LHFPL3: variants seen among roughly 807,000 people sequenced by gnomAD.
LHFPL3 encodes the protein LHFPL tetraspan subfamily member 3 protein.
Under a neutral mutation model 19.3 loss-of-function variants are expected in LHFPL3, and 5 were observed. That is an observed-to-expected ratio of 0.26 (90% CI 0.14 to 0.54). The LOEUF is 0.54. Ranked by LOEUF, LHFPL3 falls within the 20% of genes least tolerant of loss-of-function variation. The pLI is 0.94. For synonymous variants in LHFPL3, 133 were observed against 126.2 expected (o/e 1.05, Z -0.36); for missense variants, 249 against 307.4 (o/e 0.81, Z 1.42).
At chr7:104,378,817 A>G (rs1274536069) in intron 1 of LHFPL3, among the ~76,000 whole-genome samples, 7 of 152,132 alleles carry the variant, frequency 4.6e-5, no homozygotes, top group Non-Finnish European at 7.4e-5. Flanking sequence ...GTGTCTTTTC[A>G]ACTCTTTTGT....
chr7:104,767,538 C>G (rs1327409289), intron 2 of LHFPL3, among the ~76,000 whole-genome samples: 4 of 152,120 alleles, frequency 2.6e-5, no homozygotes, highest in Non-Finnish European at 5.9e-5. Flanking sequence ...ATTTAGGTAC[C>G]CTGTGTACAC....
At chr7:104,354,758 A>G (rs1014246626) in intron 1 of LHFPL3, among the ~76,000 whole-genome samples, 2 of 152,166 alleles carry the variant, frequency 1.3e-5, no homozygotes, top group African/African-American at 4.8e-5. Flanking sequence ...TTCATCTAAA[A>G]TATTATGCCA....
intron 1 of LHFPL3, among the ~76,000 whole-genome samples, chr7:104,346,881 T>C (rs199842151): frequency 6.7e-6 from 1 of 149,838 alleles, no homozygotes; most frequent in African/African-American, 2.5e-5. Flanking sequence ...TTGGAAATAA[T>C]TTTGCATTAC....
chr7:104,863,368 A>G (rs1791653048), intron 2 of LHFPL3, among the ~76,000 whole-genome samples: 1 of 152,354 alleles, frequency 6.6e-6, no homozygotes, highest in South Asian at 2.1e-4. Flanking sequence ...GCTGACAAGT[A>G]TAGTCACTAA....
At chr7:104,396,091 C>T (rs948929917) in intron 1 of LHFPL3, among the ~76,000 whole-genome samples, 2 of 152,090 alleles carry the variant, frequency 1.3e-5, no homozygotes, top group Non-Finnish European at 2.9e-5. Context: ...TATCCCTGGC[C>T]TTGGGTTCAC....
chr7:104,478,756 G>A (rs903338626), intron 1 of LHFPL3, among the ~76,000 whole-genome samples: 8 of 152,116 alleles, frequency 5.3e-5, no homozygotes, highest in African/African-American at 1.9e-4. Flanking sequence ...GGCACTTGTT[G>A]GTATGTTGCT....
rs568169398 is a variant in LHFPL3, at chr7:104,648,430, G to A, written c.446-88245G>A. On this transcript the variant is annotated intron_variant, in intron 1 of 2. Coordinates refer to ENST00000424859, the MANE Select transcript of LHFPL3 (RefSeq NM_199000.3). ...CAGACCCCTACAAAAAGAAAAAGCC[G>A]TCATTAAATCAATGAAATGTCTTTC... 2.1e-3 allele frequency among the ~76,000 whole-genome samples: 315 copies of A among 152,240 alleles called. 2 individuals carry two copies. Among genetic ancestry groups the A allele is most frequent in the African/African-American group, 6.8e-3 (282 of 41,538 alleles).
At chr7:104,425,671 G>A (rs1791831919) in intron 1 of LHFPL3, among the ~76,000 whole-genome samples, 2 of 152,242 alleles carry the variant, frequency 1.3e-5, no homozygotes, top group South Asian at 2.1e-4. Context: ...ACATCTTTTG[G>A]TGGTTAATTA....
intron 1 of LHFPL3, among the ~76,000 whole-genome samples, chr7:104,464,749 G>A (rs894569102): frequency 4.6e-5 from 7 of 152,194 alleles, no homozygotes; most frequent in Non-Finnish European, 1.0e-4. Flanking sequence ...GAGGCCCTGG[G>A]CCCAGCTCAT....
At chr7:104,511,438 T>C (rs1440610370) in intron 1 of LHFPL3, among the ~76,000 whole-genome samples, 1 of 152,186 alleles carries the variant, frequency 6.6e-6, no homozygotes, top group African/African-American at 2.4e-5. Context: ...ATGCAATTAC[T>C]ATAGGATCCA....
intron 1 of LHFPL3, among the ~76,000 whole-genome samples, chr7:104,555,452 G>A (rs1428014861): frequency 6.6e-6 from 1 of 152,160 alleles, no homozygotes; most frequent in African/African-American, 2.4e-5. Flanking sequence ...TACATGGATG[G>A]CGGCAGGCAA....
intron 2 of LHFPL3, among the ~76,000 whole-genome samples, chr7:104,772,447 C>T (rs559883308): frequency 2.6e-5 from 4 of 152,270 alleles, no homozygotes; most frequent in Non-Finnish European, 5.9e-5. Flanking sequence ...CTACGGTGTG[C>T]TCAGACAATG....
At chr7:104,350,874 T>C (rs1440958543) in intron 1 of LHFPL3, among the ~76,000 whole-genome samples, 2 of 151,908 alleles carry the variant, frequency 1.3e-5, no homozygotes, top group Non-Finnish European at 1.5e-5. Flanking sequence ...ACCCCGTCTA[T>C]ACTAAAAATA....
At chr7:104,711,296 C>A (rs948216819) in intron 1 of LHFPL3, among the ~76,000 whole-genome samples, 3 of 152,140 alleles carry the variant, frequency 2.0e-5, no homozygotes, top group African/African-American at 7.2e-5. Context: ...ATGCTTGCTG[C>A]AATTCAGATG....
At chr7:104,566,209 G>A (rs1308899457) in intron 1 of LHFPL3, among the ~76,000 whole-genome samples, 1 of 152,106 alleles carries the variant, frequency 6.6e-6, no homozygotes, top group African/African-American at 2.4e-5. Flanking sequence ...AAATTTGCCT[G>A]TCATGATGGC....
intron 1 of LHFPL3, among the ~76,000 whole-genome samples, chr7:104,679,418 C>T (rs1003012098): frequency 2.6e-5 from 4 of 152,196 alleles, no homozygotes; most frequent in Non-Finnish European, 4.4e-5. Context: ...AAGACAGTCA[C>T]CAAGTCCAGC....
At chr7:104,503,444 TTTATA>T (rs1793639816) in intron 1 of LHFPL3, among the ~76,000 whole-genome samples, 1 of 152,246 alleles carries the variant, frequency 6.6e-6, no homozygotes, top group Admixed American at 6.5e-5. Flanking sequence ...TGAATGTTTG[TTTATA>T]TTATGAGAAA....
At chr7:104,758,137 A>G (rs1256211830) in intron 2 of LHFPL3, among the ~76,000 whole-genome samples, 1 of 152,176 alleles carries the variant, frequency 6.6e-6, no homozygotes, top group Admixed American at 6.5e-5. Context: ...CTCACTTGCA[A>G]ATGAGAGGTA....
chr7:104,468,083 C>T (rs922799291), intron 1 of LHFPL3, among the ~76,000 whole-genome samples: 1 of 152,208 alleles, frequency 6.6e-6, no homozygotes, highest in African/African-American at 2.4e-5. Context: ...ACTGAAATTA[C>T]TAGAAGAGCA....
Sources: gnomAD v4.1 joint callset for allele counts (sites outside exome capture counted in the v4.1 genomes callset) on GRCh38, gnomAD v4.1.1 for gene constraint, MANE v1.5 for transcripts, NCBI Gene and HGNC (gene_info 2026-07-23, HGNC 2026-07-21) for gene names.